The following RASSF4 variants were observed in gnomAD, a reference collection of about 807,000 sequenced individuals.
RASSF4 encodes the protein ras association domain-containing protein 4.
In RASSF4, 38 loss-of-function variants were observed where a neutral mutation model predicts 41.1. That is an observed-to-expected ratio of 0.92 (90% confidence interval 0.71 to 1.21). The LOEUF (loss-of-function observed/expected upper bound fraction) is 1.21. RASSF4 is among the 50% of genes most tolerant of loss of function. The probability of loss-of-function intolerance (pLI) is 0.00; values close to 1 mark genes in which losing one functional copy is unlikely to be tolerated. For synonymous variants in RASSF4, 179 were observed against 163.4 expected (o/e 1.10, Z -0.73); for missense variants, 414 against 419.4 (o/e 0.99, Z 0.11).
At position 44,994,598 on chromosome 10, in the gene RASSF4, A is replaced by G. The variant is rs1460098951; in HGVS notation, c.*1269A>G. On this transcript the variant is annotated 3_prime_UTR_variant, in exon 11 of 11. Coordinates refer to ENST00000340258, the MANE Select transcript of RASSF4 (RefSeq NM_032023.4). ...AGCAGGATTTCCCCAACCCAGCTCC[A>G]TCATCACAGACACAGAGAGCTGCAG... The G allele has an allele frequency of 6.6e-6, 1 of 152,206 alleles. No individual in the cohort carries two copies. The highest frequency in any genetic ancestry group is 6.5e-5 in the Admixed American group (1 of 15,280). The allele number at this position is 152,206 out of a possible 1,614,324, so 9.4% of individuals were successfully genotyped here.
chr10:44,979,678 C>T (rs908368603), intron 3 of RASSF4, among the ~76,000 whole-genome samples: 8 of 152,080 alleles, frequency 5.3e-5, no homozygotes, highest in East Asian at 3.9e-4. Context: ...GTGGTGAGGG[C>T]GCGCCGGACA....
chr10:44,977,841 T>C (rs1160243148), intron 3 of RASSF4: 1 of 1,606,844 alleles, frequency 6.2e-7, no homozygotes, highest in Non-Finnish European at 8.5e-7. Context: ...TGGGGTGGCC[T>C]GGGTTGGCCC....
chr10:44,986,265 C>A (rs538039798), intron 6 of RASSF4, among the ~76,000 whole-genome samples: 1 of 152,160 alleles, frequency 6.6e-6, no homozygotes, highest in Admixed American at 6.5e-5. Flanking sequence ...CGCTTCTCCT[C>A]GAAGGGTCTC....
intron 1 of RASSF4, among the ~76,000 whole-genome samples, chr10:44,963,417 G>A (rs527449449): frequency 6.6e-6 from 1 of 152,356 alleles, no homozygotes; most frequent in South Asian, 2.1e-4. Flanking sequence ...CACTGGCCAG[G>A]CTCCTGCCAT....
intron 1 of RASSF4, among the ~76,000 whole-genome samples, chr10:44,961,749 GAGGGAACTGGACTTGCTTA>G (rs1824764640): frequency 6.6e-6 from 1 of 152,258 alleles, no homozygotes; most frequent in South Asian, 2.1e-4. Context: ...AAGGTTCAGA[GAGGGAACTGGACTTGCTTA>G]AGGTAACAGA....
In RASSF4 at chr10:44,989,255, C is replaced by T. The variant is rs370554710; in HGVS notation, c.532-19C>T. On this transcript the variant is annotated intron_variant, in intron 6 of 10. Transcript: ENST00000340258. The stretch of plus-strand genomic sequence containing the variant: ...TCCCCTCTGGGCCTGACCTGAACTT[C>T]TCTCCCTTCCTGGTACAGACCTCCG... 230 of 1,560,694 alleles carry T rather than the reference C, an allele frequency of 1.5e-4. No homozygotes were observed. The highest frequency in any genetic ancestry group is 1.9e-4 in the Non-Finnish European group (215 of 1,132,576).
rs191349590 is a variant in RASSF4 at position 44,983,795 on chromosome 10, G to A, written c.282-227G>A. 4 of 646,958 alleles carry A rather than the reference G, an allele frequency of 6.2e-6. No individual in the cohort carries two copies. The East Asian group carries it at 1.2e-4, about 19-fold the overall frequency. The allele number at this position is 646,958 out of a possible 1,614,324, so 40.1% of individuals were successfully genotyped here. A position where few individuals can be genotyped will look rare whatever the true frequency, so the allele number is the denominator to read the frequency against. On this transcript the variant is annotated intron_variant, in intron 4 of 10. Coordinates refer to ENST00000340258, the MANE Select transcript of RASSF4 (RefSeq NM_032023.4). ...CGATGCAGCCCAGCACAAGCCCTCAGGTCTGCAGGGCCAGGCTCACTCTCC... is the reference window on the plus strand; with the variant it reads ...CGATGCAGCCCAGCACAAGCCCTCAAGTCTGCAGGGCCAGGCTCACTCTCC...
At chr10:44,967,739 G>A (rs1025433763) in intron 1 of RASSF4, among the ~76,000 whole-genome samples, 5 of 152,314 alleles carry the variant, frequency 3.3e-5, no homozygotes, top group African/African-American at 1.2e-4. Flanking sequence ...TATGCTTGGG[G>A]CTGGAAACTA....
chr10:44,980,918 T>C (rs1293641508), intron 3 of RASSF4: 4 of 152,228 alleles, frequency 2.6e-5, no homozygotes, highest in Admixed American at 1.3e-4. Context: ...TCTGTGCTTG[T>C]AGAGCACCAG....
intron 9 of RASSF4, 65 bp downstream of exon 9, chr10:44,991,134 C>A: frequency 6.8e-7 from 1 of 1,478,496 alleles, no homozygotes; most frequent in Non-Finnish European, 9.2e-7. Flanking sequence ...GACGGGGCCT[C>A]CCAAGGACTC....
At chr10:44,987,702 A>G (rs949884817) in intron 6 of RASSF4, among the ~76,000 whole-genome samples, 6 of 148,322 alleles carry the variant, frequency 4.0e-5, no homozygotes, top group African/African-American at 1.0e-4. Flanking sequence ...GAACAAGTCT[A>G]TCGGTGCCGT....
intron 1 of RASSF4, among the ~76,000 whole-genome samples, chr10:44,969,134 A>G (rs1279314288): frequency 2.0e-5 from 3 of 149,442 alleles, no homozygotes; most frequent in Non-Finnish European, 4.5e-5. Context: ...GTGTGTATGT[A>G]TGTGTGTGTG....
At chr10:44,990,365 C>G (rs189122861) in intron 8 of RASSF4, among the ~76,000 whole-genome samples, 4 of 152,312 alleles carry the variant, frequency 2.6e-5, no homozygotes, top group African/African-American at 4.8e-5. Flanking sequence ...CATGCATGCC[C>G]TTTGGAATAT....
At chr10:44,963,066 G>C (rs1840767112) in intron 1 of RASSF4, among the ~76,000 whole-genome samples, 1 of 152,134 alleles carries the variant, frequency 6.6e-6, no homozygotes, top group Admixed American at 6.5e-5. Context: ...GGGCCTGTGT[G>C]GTCAGTCCAG....
intron 4 of RASSF4, 98 bp from the exon 5 acceptor site, chr10:44,983,924 C>A: frequency 6.5e-7 from 1 of 1,546,236 alleles, no homozygotes. Flanking sequence ...TTGCTTCCCG[C>A]CTGTGTCCTA....
At position 44,972,034 on chromosome 10, in the gene RASSF4, G is replaced by T. The variant is rs538053143; in HGVS notation, c.138+186G>T. Among the ~76,000 whole-genome samples, 609 of 152,316 alleles carry T rather than the reference G, an allele frequency of 4.0e-3. 3 individuals carry two copies. The highest frequency in any genetic ancestry group is 6.0e-3 in the Non-Finnish European group (408 of 68,004). On this transcript the variant is annotated intron_variant, in intron 3 of 10. Transcript: ENST00000340258. Reference sequence around the variant, plus strand: ...CCCTGAGCCAGGGACCAGGTTACCAGCAGCCAGGTCATCTCCCTTGCAGAG... The same window carrying T: ...CCCTGAGCCAGGGACCAGGTTACCATCAGCCAGGTCATCTCCCTTGCAGAG...
chr10:44,978,584 T>G (rs997280393), intron 3 of RASSF4: 1 of 152,398 alleles, frequency 6.6e-6, no homozygotes, highest in Non-Finnish European at 1.5e-5. Flanking sequence ...CCTTGTGTTT[T>G]GTCTCAAACC....
At chr10:44,986,490 G>T (rs1184556273) in intron 6 of RASSF4, among the ~76,000 whole-genome samples, 1 of 152,246 alleles carries the variant, frequency 6.6e-6, no homozygotes, top group African/African-American at 2.4e-5. Flanking sequence ...GTCACCCAGT[G>T]AGGGCAGCTT....
At chr10:44,993,021 T>C (rs1842175514) in intron 10 of RASSF4, among the ~76,000 whole-genome samples, 2 of 152,162 alleles carry the variant, frequency 1.3e-5, no homozygotes, top group African/African-American at 4.8e-5. Context: ...CACTCCAGTG[T>C]GCTGTTGTCT....
Sources: allele counts gnomAD v4.1 joint callset (sites outside exome capture counted in the v4.1 genomes callset), GRCh38; gene constraint gnomAD v4.1.1; transcripts MANE v1.5; gene names NCBI Gene and HGNC (gene_info 2026-07-23, HGNC 2026-07-21).